JPH3: variants seen among roughly 807,000 people sequenced by gnomAD.
JPH3 encodes the protein junctophilin-3.
JPH3 carries 11 observed loss-of-function variants against 59.6 expected under a neutral mutation model. The observed-to-expected ratio is 0.18, with a 90% confidence interval of 0.12 to 0.31. JPH3 has a LOEUF of 0.31. Ranked by LOEUF, JPH3 falls within the 10% of genes least tolerant of loss-of-function variation. The pLI is 1.00. For synonymous variants in JPH3, 673 were observed against 483.6 expected, an observed-to-expected ratio of 1.39 and a Z score of -5.14; for missense variants, 1,202 against 1,105.7, an observed-to-expected ratio of 1.09 and a Z score of -1.24.
At chr16:87,653,337 C>A (rs370139559) in intron 2 of JPH3, among the ~76,000 whole-genome samples, 2 of 152,190 alleles carry the variant, frequency 1.3e-5, no homozygotes, top group African/African-American at 4.8e-5. Flanking sequence ...CCTGTCCCCG[C>A]TCTGCTCTCT....
chr16:87,619,265 A>C (rs1376028561), intron 1 of JPH3, among the ~76,000 whole-genome samples: 1 of 150,852 alleles, frequency 6.6e-6, no homozygotes, highest in Non-Finnish European at 1.5e-5. Context: ...GTGAGCTATG[A>C]TCACGCCACT....
chr16:87,685,829 G>A (rs1273350820), intron 3 of JPH3, among the ~76,000 whole-genome samples: 5 of 152,336 alleles, frequency 3.3e-5, no homozygotes, highest in African/African-American at 1.2e-4. Context: ...ACCAGACAGG[G>A]AACATTGAAG....
chr16:87,654,222 C>G (rs1317129251), intron 2 of JPH3: 1 of 152,244 alleles, frequency 6.6e-6, no homozygotes, highest in Non-Finnish European at 1.5e-5. Context: ...CCAATGCATC[C>G]CTCAAGACTC....
At chr16:87,622,007 C>G (rs915818307) in intron 1 of JPH3, among the ~76,000 whole-genome samples, 5 of 152,176 alleles carry the variant, frequency 3.3e-5, no homozygotes, top group Admixed American at 3.3e-4. Flanking sequence ...ACTGTGATCT[C>G]AGAGTGACCT....
intron 2 of JPH3, among the ~76,000 whole-genome samples, chr16:87,656,074 G>A (rs1020855572): frequency 2.6e-5 from 4 of 152,238 alleles, no homozygotes; most frequent in African/African-American, 4.8e-5. Context: ...AAAGTTAACC[G>A]ATCGGGGTGC....
intron 2 of JPH3, among the ~76,000 whole-genome samples, chr16:87,646,248 T>G (rs916260366): frequency 6.6e-6 from 1 of 152,250 alleles, no homozygotes; most frequent in Non-Finnish European, 1.5e-5. Context: ...CAGTGACCTT[T>G]GATCTATAGT....
chr16:87,648,908 A>G (rs2032240541), intron 2 of JPH3, among the ~76,000 whole-genome samples: 1 of 152,194 alleles, frequency 6.6e-6, no homozygotes, highest in Non-Finnish European at 1.5e-5. Flanking sequence ...GGTCCCCAGG[A>G]CGCAGATGCT....
intron 2 of JPH3, among the ~76,000 whole-genome samples, chr16:87,683,753 C>T (rs750282333): frequency 1.3e-5 from 2 of 152,302 alleles, no homozygotes; most frequent in South Asian, 2.1e-4. Flanking sequence ...ACCACAGATG[C>T]GTGCCATCAC....
intron 3 of JPH3, among the ~76,000 whole-genome samples, chr16:87,687,940 G>GA (rs60355293): frequency 0.072 from 10,952 of 152,280 alleles, 1,253 homozygotes; most frequent in African/African-American, 0.25. Context: ...CCTGGCCAAG[G>GA]AGGAGGTACG....
intron 2 of JPH3, among the ~76,000 whole-genome samples, chr16:87,652,621 G>A (rs1326870476): frequency 6.6e-6 from 1 of 152,246 alleles, no homozygotes; most frequent in African/African-American, 2.4e-5. Context: ...ACGCAGCTGG[G>A]CTAGGATGGC....
intron 2 of JPH3, among the ~76,000 whole-genome samples, chr16:87,682,486 G>A (rs1444750406): frequency 6.6e-6 from 1 of 152,168 alleles, no homozygotes; most frequent in African/African-American, 2.4e-5. Flanking sequence ...GTGGGGATTA[G>A]TGCCCTGATG....
chr16:87,660,684 C>T (rs995880493), intron 2 of JPH3, among the ~76,000 whole-genome samples: 2 of 152,230 alleles, frequency 1.3e-5, no homozygotes, highest in African/African-American at 4.8e-5. Context: ...TGCCTCCCCA[C>T]CAGCTGCCTC....
chr16:87,692,847 C>T (rs1380162257), intron 4 of JPH3, among the ~76,000 whole-genome samples: 1 of 152,248 alleles, frequency 6.6e-6, no homozygotes, highest in Non-Finnish European at 1.5e-5. Flanking sequence ...GCGTCCGTAC[C>T]TGCTTCCCGG....
At chr16:87,673,241 C>G (rs981869834) in intron 2 of JPH3, among the ~76,000 whole-genome samples, 1 of 151,878 alleles carries the variant, frequency 6.6e-6, no homozygotes, top group African/African-American at 2.4e-5. Context: ...AAAAATCAAC[C>G]GCACTCTTAA....
chr16:87,685,000 A>G (rs2033382773), intron 3 of JPH3, among the ~76,000 whole-genome samples: 1 of 152,098 alleles, frequency 6.6e-6, no homozygotes, highest in African/African-American at 2.4e-5. Context: ...CGCCCCCTCA[A>G]CCCGAGCTCT....
chr16:87,696,752 C>A lies in JPH3; in HGVS notation c.*92C>A. ...CCACAAGAAGGGAAAGACCGCAACT[C>A]GGACAGCCCAGCGACTTCCAAGTCC... On this transcript the variant is annotated 3_prime_UTR_variant, in exon 5 of 5. Transcript: ENST00000284262. 9.7e-7 allele frequency: 1 copy of A among 1,029,756 alleles called. No homozygotes were observed. The highest frequency in any genetic ancestry group is 1.5e-6 in the Non-Finnish European group (1 of 669,432). The allele number at this position is 1,029,756 out of a possible 1,614,324, so 63.8% of individuals were successfully genotyped here. A position where few individuals can be genotyped will look rare whatever the true frequency, so the allele number is the denominator to read the frequency against.
At chr16:87,639,993 C>G (rs1005453047) in intron 1 of JPH3, among the ~76,000 whole-genome samples, 1 of 152,184 alleles carries the variant, frequency 6.6e-6, no homozygotes, top group African/African-American at 2.4e-5. Context: ...AGTGGGTGAG[C>G]CTCTCCTCTT....
intron 1 of JPH3, among the ~76,000 whole-genome samples, chr16:87,627,122 A>G (rs1305448076): frequency 6.6e-6 from 1 of 152,176 alleles, no homozygotes; most frequent in Non-Finnish European, 1.5e-5. Context: ...GGGCGAGGCC[A>G]GTCATTAGTT....
At chr16:87,620,406 G>A (rs994832426) in intron 1 of JPH3, among the ~76,000 whole-genome samples, 15 of 148,610 alleles carry the variant, frequency 1.0e-4, no homozygotes, top group African/African-American at 3.7e-4. Context: ...GAGCCTGGAT[G>A]GGGGTGTGGT....
Sources: allele counts gnomAD v4.1 joint callset (sites outside exome capture counted in the v4.1 genomes callset), GRCh38; gene constraint gnomAD v4.1.1; transcripts MANE v1.5; gene names NCBI Gene and HGNC (gene_info 2026-07-23, HGNC 2026-07-21).